The following NRXN2 variants were observed in gnomAD, a reference collection of about 807,000 sequenced individuals.
NRXN2 encodes the protein neurexin 2, also known as neurexin-2-beta.
In NRXN2, 29 loss-of-function variants were observed where a neutral mutation model predicts 128.8. The observed-to-expected ratio is 0.23, with a 90% CI of 0.17 to 0.31. NRXN2 has a LOEUF of 0.31. Among genes scored for constraint, NRXN2 ranks in the 10% least tolerant of loss-of-function variants. The probability of loss-of-function intolerance (pLI) is 1.00; values close to 1 mark genes in which losing one functional copy is unlikely to be tolerated. For synonymous variants in NRXN2, 1,098 were observed against 1,075.2 expected (o/e 1.02, Z -0.41); for missense variants, 1,881 against 2,452.6 (o/e 0.77, Z 4.92).
At chr11:64,712,704 T>G (rs747104335) in intron 2 of NRXN2, 2 of 633,818 alleles carry the variant, frequency 3.2e-6, no homozygotes, top group South Asian at 3.0e-5. Context: ...CTTCAGAACC[T>G]GACCACACAG....
intron 5 of NRXN2, chr11:64,688,264 G>T (rs2135574422): frequency 3.1e-6 from 3 of 983,040 alleles, no homozygotes; most frequent in Non-Finnish European, 3.6e-6. Context: ...TCTGGAGCCT[G>T]CGCCTCCACG....
intron 22 of NRXN2, among the ~76,000 whole-genome samples, chr11:64,617,366 G>C (rs564740723): frequency 5.4e-4 from 82 of 152,264 alleles, no homozygotes; most frequent in East Asian, 4.6e-3. Flanking sequence ...TCCCCTCAGG[G>C]GCCAGGCCCA....
chr11:64,653,603 G>A (rs1412250304), intron 12 of NRXN2, 93 bp downstream of exon 12: 21 of 1,259,282 alleles, frequency 1.7e-5, no homozygotes, highest in Middle Eastern at 3.7e-4. Flanking sequence ...CAGCAATCAC[G>A]GCTTCTCTTC....
chr11:64,652,206 A>C, intron 12 of NRXN2, 52 bp from the exon 13 acceptor site: 1 of 1,572,278 alleles, frequency 6.4e-7, no homozygotes, highest in Non-Finnish European at 8.6e-7. Flanking sequence ...CTCATAGGTG[A>C]CTTCCTATAT....
intron 18 of NRXN2, among the ~76,000 whole-genome samples, chr11:64,633,517 C>T (rs993938299): frequency 1.3e-5 from 2 of 152,158 alleles, no homozygotes; most frequent in Non-Finnish European, 2.9e-5. Flanking sequence ...CTACTGCAAG[C>T]CATGCAGAGC....
Position 64,659,733 on chromosome 11 carries a change from C to T in NRXN2, c.2389+599G>A, listed in dbSNP as rs928895530. ...GTGATCTAGTGTCTTCACAGGACAG[C>T]CATGAGGCTCAAATGTGAAAGCTCA... On this transcript the variant is annotated intron_variant, in intron 11 of 22. Transcript: ENST00000265459. 2.5e-5 allele frequency: 4 copies of T among 161,782 alleles called. No homozygotes were observed. The South Asian group carries it at 5.2e-4, about 21-fold the overall frequency. The allele number at this position is 161,782 out of a possible 1,614,324, so 10.0% of individuals were successfully genotyped here. A position where few individuals can be genotyped will look rare whatever the true frequency, so the allele number is the denominator to read the frequency against.
At chr11:64,701,786 G>GC (rs1455017051) in intron 2 of NRXN2, among the ~76,000 whole-genome samples, 4 of 151,894 alleles carry the variant, frequency 2.6e-5, no homozygotes, top group African/African-American at 9.7e-5. Flanking sequence ...GGGGGGATCA[G>GC]CCCCCCGTCC....
chr11:64,694,399 C>T (rs1314196051), intron 3 of NRXN2, among the ~76,000 whole-genome samples: 3 of 152,206 alleles, frequency 2.0e-5, no homozygotes, highest in African/African-American at 7.2e-5. Context: ...GGCCAGGATG[C>T]CTGGATTCTA....
intron 1 of NRXN2, among the ~76,000 whole-genome samples, chr11:64,721,018 G>A (rs1328360370): frequency 3.9e-5 from 6 of 152,062 alleles, no homozygotes; most frequent in African/African-American, 1.2e-4. Flanking sequence ...GGCCGTGTGT[G>A]TGTTGTGTAC....
chr11:64,688,372 G>A, intron 5 of NRXN2: 1 of 985,372 alleles, frequency 1.0e-6, no homozygotes, highest in African/African-American at 1.7e-5. Context: ...TCGAGAAGAG[G>A]GACAGAAAAA....
chr11:64,678,583 T>C (rs540340003), intron 6 of NRXN2, among the ~76,000 whole-genome samples: 5 of 152,354 alleles, frequency 3.3e-5, no homozygotes, highest in Non-Finnish European at 7.3e-5. Flanking sequence ...CCAATCTTTC[T>C]ACTCCAATCT....
rs1333057381 is a variant in NRXN2 at position 64,692,799 on chromosome 11, AG to A, written c.778+47del. On this transcript the variant is annotated intron_variant, in intron 4 of 22. Transcript: ENST00000265459. The stretch of plus-strand genomic sequence containing the variant: ...GGAGAAGAACAGAAAATCCAGGCGC[AG>A]GTTGGGGGCAATCCAATCCAAACCA... 3.1e-6 allele frequency: 5 copies of A among 1,611,436 alleles called. No individual in the cohort carries two copies. In the Admixed American group the frequency reaches 8.3e-5, roughly 27 times the overall value.
At position 64,622,640 on chromosome 11, in the gene NRXN2, T is replaced by G; in HGVS notation, c.4173+113A>C. 2 of 1,442,304 alleles carry G rather than the reference T, an allele frequency of 1.4e-6. No individual in the cohort carries two copies. Among genetic ancestry groups the G allele is most frequent in the Non-Finnish European group, 1.9e-6 (2 of 1,071,418 alleles). 89.3% of individuals were successfully genotyped at this position (1,442,304 alleles called of 1,614,324 possible). A position where few individuals can be genotyped will look rare whatever the true frequency, so the allele number is the denominator to read the frequency against. ...AAGTCAGCGACAGCAGCCTTCAGGA[T>G]CCCAACAGACCCCTTGGACCCTCAC... On this transcript the variant is annotated intron_variant, in intron 21 of 22. Transcript: ENST00000265459. The surrounding 1 kb of genome is among the most constrained non-coding windows in gnomAD (Gnocchi z 4.3).
chr11:64,688,667 A>G, intron 5 of NRXN2: 1 of 985,422 alleles, frequency 1.0e-6, no homozygotes, highest in Non-Finnish European at 1.2e-6. Context: ...CTCCGGACCG[A>G]GAAAGGAAGA....
At chr11:64,666,540 C>T (rs558353403) in intron 9 of NRXN2, among the ~76,000 whole-genome samples, 2 of 151,486 alleles carry the variant, frequency 1.3e-5, no homozygotes, top group East Asian at 3.9e-4. Context: ...TGGCTCTAGA[C>T]AGAAGGGAGG....
intron 17 of NRXN2, among the ~76,000 whole-genome samples, chr11:64,647,018 G>C (rs2046781220): frequency 6.6e-6 from 1 of 152,098 alleles, no homozygotes; most frequent in Non-Finnish European, 1.5e-5. Context: ...CCACCCAAGA[G>C]CTCCTGGACC....
chr11:64,701,904 G>T (rs1213441537), intron 2 of NRXN2, among the ~76,000 whole-genome samples: 3 of 68,828 alleles, frequency 4.4e-5, no homozygotes, highest in African/African-American at 4.2e-4. Context: ...GAGGGAGGTG[G>T]GGGGGGTCAG....
intron 22 of NRXN2, among the ~76,000 whole-genome samples, 176 bp from the exon 23 acceptor site, chr11:64,608,258 G>A (rs777117196): frequency 9.9e-5 from 15 of 152,200 alleles, no homozygotes; most frequent in East Asian, 3.9e-4. Flanking sequence ...CGCTTTAAGC[G>A]GGCAGCGGCT....
chr11:64,662,598 G>A (rs935477466), intron 9 of NRXN2, among the ~76,000 whole-genome samples: 4 of 151,988 alleles, frequency 2.6e-5, no homozygotes, highest in Non-Finnish European at 5.9e-5. Flanking sequence ...TGGCTAACAC[G>A]GTGAAACCCT....
Sources: allele counts gnomAD v4.1 joint callset (sites outside exome capture counted in the v4.1 genomes callset), GRCh38; gene constraint gnomAD v4.1.1; non-coding constraint Gnocchi (gnomAD v3.1); transcripts MANE v1.5; gene names NCBI Gene and HGNC (gene_info 2026-07-23, HGNC 2026-07-21).